NALCN: variants seen among roughly 807,000 people sequenced by gnomAD.
NALCN encodes sodium leak channel, non-selective.
NALCN carries 111 observed loss-of-function variants against 225.3 expected under a neutral mutation model. That is an observed-to-expected ratio of 0.49 (90% CI 0.42 to 0.58). The LOEUF (loss-of-function observed/expected upper bound fraction) is 0.58, where lower values mean the gene tolerates loss of function less well. Among genes scored for constraint, NALCN ranks in the 20% least tolerant of loss-of-function variants. The pLI, the probability that NALCN is intolerant of heterozygous loss-of-function variation, is 0.00. For missense variants in NALCN, 1,378 were observed against 2,202.4 expected (o/e 0.63, Z 7.49); for synonymous variants, 764 against 769.0 (o/e 0.99, Z 0.11).
At chr13:101,349,155 C>T (rs1802402431) in intron 6 of NALCN, among the ~76,000 whole-genome samples, 2 of 152,244 alleles carry the variant, frequency 1.3e-5, no homozygotes, top group Admixed American at 6.5e-5. Flanking sequence ...TCAAGACCAG[C>T]ATTTCTTACT....
chr13:101,262,233 T>A (rs1401562917), intron 10 of NALCN, among the ~76,000 whole-genome samples: 1 of 152,242 alleles, frequency 6.6e-6, no homozygotes, highest in East Asian at 1.9e-4. Context: ...AAATGTTATT[T>A]GTTTTATCTA....
At chr13:101,074,460 T>G (rs2033115931) in intron 36 of NALCN, 54 bp downstream of exon 36, 5 of 1,430,602 alleles carry the variant, frequency 3.5e-6, no homozygotes, top group Non-Finnish European at 4.6e-6. Flanking sequence ...ATTTAAAATT[T>G]TATTACCAAA....
chr13:101,292,489 T>G lies in NALCN; in HGVS notation c.800-123A>C. The G allele has an allele frequency of 9.9e-7, 1 of 1,006,694 alleles. No individual in the cohort carries two copies. Among genetic ancestry groups the G allele is most frequent in the Non-Finnish European group, 1.4e-6 (1 of 713,770 alleles). 62.4% of individuals were successfully genotyped at this position (1,006,694 alleles called of 1,614,324 possible). On this transcript the variant is annotated intron_variant, in intron 7 of 43. Coordinates refer to ENST00000251127, the MANE Select transcript of NALCN (RefSeq NM_052867.4). This position sits in a 1 kb window ranked among gnomAD's most constrained non-coding sequence, Gnocchi z 4.3. ...CTCAATGACAAAAGTGCTTCAAAAA[T>G]TGATTAGAATCACATGCAACACATT...
intron 10 of NALCN, among the ~76,000 whole-genome samples, chr13:101,279,061 T>G (rs2043060145): frequency 6.6e-6 from 1 of 152,188 alleles, no homozygotes; most frequent in African/African-American, 2.4e-5. Flanking sequence ...TGACCATGAC[T>G]GGTATGGTCT....
At chr13:101,145,887 A>G (rs1233265988) in intron 15 of NALCN, among the ~76,000 whole-genome samples, 1 of 152,120 alleles carries the variant, frequency 6.6e-6, no homozygotes, top group Non-Finnish European at 1.5e-5. Context: ...GGTTTCAAAA[A>G]TCATCCACTC....
At position 101,177,409 on chromosome 13, in the gene NALCN, G is replaced by GTATATATA. The variant is rs10624930; in HGVS notation, c.1765-1043_1765-1036dup. On this transcript the variant is annotated intron_variant, in intron 14 of 43. Coordinates refer to ENST00000251127, the MANE Select transcript of NALCN (RefSeq NM_052867.4). ...AAACACATTATAACAGTAAATACGA[G>GTATATATA]TATATATATATATATATATATATGG... Among the ~76,000 whole-genome samples, 293 of 124,362 alleles carry GTATATATA rather than the reference G, an allele frequency of 2.4e-3. 3 individuals carry two copies. Among genetic ancestry groups the GTATATATA allele is most frequent in the African/African-American group, 6.2e-3 (227 of 36,386 alleles). 81.6% of individuals were successfully genotyped at this position (124,362 alleles called of 152,430 possible). A position where few individuals can be genotyped will look rare whatever the true frequency, so the allele number is the denominator to read the frequency against.
At chr13:101,283,708 C>T (rs1216719583) in intron 10 of NALCN, among the ~76,000 whole-genome samples, 1 of 151,820 alleles carries the variant, frequency 6.6e-6, no homozygotes. Context: ...CACTGAAATG[C>T]TCTTACATGC....
At chr13:101,247,054 T>C (rs545749491) in intron 11 of NALCN, among the ~76,000 whole-genome samples, 1 of 152,212 alleles carries the variant, frequency 6.6e-6, no homozygotes, top group South Asian at 2.1e-4. Context: ...AACAGAAACA[T>C]ATGCTAGGTC....
intron 6 of NALCN, among the ~76,000 whole-genome samples, chr13:101,366,129 C>T (rs937015572): frequency 3.3e-5 from 5 of 152,150 alleles, no homozygotes; most frequent in African/African-American, 1.2e-4. Flanking sequence ...TGCTACAAGC[C>T]ATTGCTCTCC....
intron 13 of NALCN, among the ~76,000 whole-genome samples, chr13:101,207,849 G>T (rs2040373519): frequency 6.6e-6 from 1 of 152,178 alleles, no homozygotes; most frequent in Non-Finnish European, 1.5e-5. Context: ...TTTGCTCTTT[G>T]CAATACATCT....
chr13:101,256,066 C>A (rs1408989374), intron 11 of NALCN, among the ~76,000 whole-genome samples: 1 of 152,180 alleles, frequency 6.6e-6, no homozygotes, highest in African/African-American at 2.4e-5. Context: ...GAAGACTCAG[C>A]CAGCGCCTTA....
intron 6 of NALCN, among the ~76,000 whole-genome samples, chr13:101,360,104 CTTTCTCTTT>C (rs2046192779): frequency 7.3e-6 from 1 of 136,992 alleles, no homozygotes; most frequent in Admixed American, 7.3e-5. Flanking sequence ...TTTTCTTTCT[CTTTCTCTTT>C]TTCTTTCCTT....
intron 17 of NALCN, among the ~76,000 whole-genome samples, chr13:101,140,496 T>A (rs2037021896): frequency 6.6e-6 from 1 of 152,202 alleles, no homozygotes; most frequent in South Asian, 2.1e-4. Flanking sequence ...TTGGCCATAA[T>A]GGAAATCAGC....
intron 17 of NALCN, among the ~76,000 whole-genome samples, chr13:101,126,555 T>C (rs1266959960): frequency 6.6e-6 from 1 of 151,656 alleles, no homozygotes; most frequent in Non-Finnish European, 1.5e-5. Flanking sequence ...TGCAGTGGCG[T>C]AATCTCAGCT....
chr13:101,319,982 C>A (rs2044689038), intron 7 of NALCN, among the ~76,000 whole-genome samples: 1 of 152,086 alleles, frequency 6.6e-6, no homozygotes, highest in Non-Finnish European at 1.5e-5. Context: ...AAGCCAAATT[C>A]TTCTTATGTT....
intron 34 of NALCN, among the ~76,000 whole-genome samples, chr13:101,077,227 T>G (rs1298458006): frequency 6.6e-6 from 1 of 152,204 alleles, no homozygotes; most frequent in African/African-American, 2.4e-5. Flanking sequence ...TTACCCAGTT[T>G]TGGGTATTTC....
intron 37 of NALCN, 89 bp downstream of exon 37, chr13:101,073,495 G>A (rs910584151): frequency 1.8e-5 from 20 of 1,085,442 alleles, no homozygotes; most frequent in Non-Finnish European, 2.5e-5. Context: ...AAGTCTTAAC[G>A]CTAACAAGGA....
intron 6 of NALCN, among the ~76,000 whole-genome samples, chr13:101,373,372 A>G (rs1278037866): frequency 6.6e-6 from 1 of 152,190 alleles, no homozygotes; most frequent in Non-Finnish European, 1.5e-5. Flanking sequence ...ACCTAAAAAT[A>G]ATGCTCCTTG....
chr13:101,203,086 T>C (rs2040187419), intron 13 of NALCN, among the ~76,000 whole-genome samples: 1 of 152,222 alleles, frequency 6.6e-6, no homozygotes. Flanking sequence ...AAATAACATA[T>C]ATGTGAATAC....
Sources: allele counts gnomAD v4.1 joint callset (sites outside exome capture counted in the v4.1 genomes callset), GRCh38; gene constraint gnomAD v4.1.1; non-coding constraint Gnocchi (gnomAD v3.1); transcripts MANE v1.5; gene names NCBI Gene and HGNC (gene_info 2026-07-23, HGNC 2026-07-21).